Variants in RBM27 observed in about 807,000 individuals in gnomAD.
RBM27 encodes the protein RNA-binding protein 27.
RBM27 carries 22 observed loss-of-function variants against 135.3 expected under a neutral mutation model. That is an observed-to-expected ratio of 0.16 (90% CI 0.12 to 0.23). The LOEUF (loss-of-function observed/expected upper bound fraction) is 0.23, where lower values mean the gene tolerates loss of function less well. Among genes scored for constraint, RBM27 ranks in the 10% least tolerant of loss-of-function variants. The pLI is 1.00. For missense variants in RBM27, 1,009 were observed against 1,281.0 expected (o/e 0.79, Z 3.24); for synonymous variants, 481 against 442.4 (o/e 1.09, Z -1.10).
rs769735280 is a variant in RBM27 at position 146,237,261 on chromosome 5, A to C, written c.1145-37A>C. On this transcript the variant is annotated intron_variant, in intron 7 of 20. Coordinates refer to ENST00000265271, the MANE Select transcript of RBM27 (RefSeq NM_018989.2). The stretch of plus-strand genomic sequence containing the variant: ...CCTGATACTTTTATTAGGAAATATT[A>C]ATGCTGTACTTTTCACTTTTTGTTG... The C allele has an allele frequency of 1.9e-5, 31 of 1,611,816 alleles. No homozygotes were observed. In the African/African-American group the frequency reaches 3.3e-4, roughly 17 times the overall value.
chr5:146,222,911 A>G (rs966536037), intron 2 of RBM27, among the ~76,000 whole-genome samples: 2 of 152,154 alleles, frequency 1.3e-5, no homozygotes, highest in African/African-American at 4.8e-5. Flanking sequence ...ATCCAACAAT[A>G]TAAAGGTATA....
At chr5:146,210,799 T>C (rs905891141) in intron 1 of RBM27, among the ~76,000 whole-genome samples, 1 of 151,266 alleles carries the variant, frequency 6.6e-6, no homozygotes, top group African/African-American at 2.4e-5. Flanking sequence ...TATAAAAAAT[T>C]AGCCGGGCGT....
At chr5:146,241,650 G>T (rs566954029) in intron 8 of RBM27, among the ~76,000 whole-genome samples, 3 of 152,302 alleles carry the variant, frequency 2.0e-5, no homozygotes, top group African/African-American at 7.2e-5. Context: ...GTACAGATGG[G>T]GTTTCGCCAT....
intron 8 of RBM27, among the ~76,000 whole-genome samples, chr5:146,238,619 A>G (rs370911702): frequency 6.6e-6 from 1 of 152,166 alleles, no homozygotes; most frequent in African/African-American, 2.4e-5. Flanking sequence ...AACATTTTTT[A>G]AAAAGGTAGT....
At chr5:146,221,357 T>C (rs1438036109) in intron 2 of RBM27, among the ~76,000 whole-genome samples, 1 of 152,232 alleles carries the variant, frequency 6.6e-6, no homozygotes, top group Admixed American at 6.5e-5. Flanking sequence ...ATATGGTCTA[T>C]ATCTGTACTT....
chr5:146,207,021 C>T (rs1755711879), intron 1 of RBM27, among the ~76,000 whole-genome samples: 2 of 152,026 alleles, frequency 1.3e-5, no homozygotes, highest in Admixed American at 6.6e-5. Flanking sequence ...GTTTAGATAT[C>T]CTAAAATGTA....
intron 8 of RBM27, among the ~76,000 whole-genome samples, chr5:146,241,551 C>T (rs1265095348): frequency 1.3e-5 from 2 of 152,180 alleles, no homozygotes; most frequent in Admixed American, 6.6e-5. Context: ...GCGCAACCTC[C>T]ACCTCCCAGG....
At position 146,251,877 on chromosome 5, in the gene RBM27, T is replaced by C. The variant is rs1418083805; in HGVS notation, c.1444+2T>C. 1.9e-6 allele frequency: 3 copies of C among 1,613,522 alleles called. No individual in the cohort carries two copies. Among genetic ancestry groups the C allele is most frequent in the Non-Finnish European group, 2.5e-6 (3 of 1,179,518 alleles). On this transcript the variant is annotated splice_donor_variant, in intron 9 of 20. Transcript: ENST00000265271. LOFTEE classifies it high-confidence loss of function. ...CCAGCCCTACCCCTCTGGTTCCAGG[T>C]AAGCTTTGCTACAGATGGCCATCCA...
chr5:146,256,672 C>G (rs1758119636), intron 10 of RBM27, among the ~76,000 whole-genome samples: 2 of 151,956 alleles, frequency 1.3e-5, no homozygotes, highest in South Asian at 4.1e-4. Flanking sequence ...ATTATTGTCT[C>G]TCATATTTCT....
intron 1 of RBM27, among the ~76,000 whole-genome samples, chr5:146,204,028 A>T (rs764929004): frequency 2.7e-5 from 4 of 150,682 alleles, no homozygotes; most frequent in Non-Finnish European, 4.4e-5. Context: ...CGCCGTGAAT[A>T]TGGGGACTGG....
intron 12 of RBM27, 139 bp from the exon 13 acceptor site, chr5:146,261,371 T>TAAATTAC: frequency 1.4e-6 from 1 of 731,890 alleles, no homozygotes; most frequent in Non-Finnish European, 2.3e-6. Context: ...CTAAAAGCTC[T>TAAATTAC]ATCTCTAAAA....
chr5:146,274,974 GTTCTTTTTCTTTTTT>G (rs983221922), intron 19 of RBM27, among the ~76,000 whole-genome samples: 5 of 151,106 alleles, frequency 3.3e-5, no homozygotes, highest in African/African-American at 1.2e-4. Flanking sequence ...TTCCTTTCTA[GTTCTTTTTCTTTTTT>G]TTCTTTTTCT....
intron 19 of RBM27, among the ~76,000 whole-genome samples, chr5:146,277,517 ATT>A (rs371321141): frequency 8.0e-5 from 10 of 125,532 alleles, no homozygotes; most frequent in Admixed American, 8.3e-5. Context: ...TACTGGGATA[ATT>A]TTTTTTTTTT....
chr5:146,223,218 T>C (rs943558852), intron 2 of RBM27, among the ~76,000 whole-genome samples, 185 bp from the exon 3 acceptor site: 1 of 152,186 alleles, frequency 6.6e-6, no homozygotes, highest in African/African-American at 2.4e-5. Context: ...ATATATATCA[T>C]TTTGCAAGTA....
chr5:146,246,366 T>TTTTCATA, intron 8 of RBM27, among the ~76,000 whole-genome samples: 1 of 152,310 alleles, frequency 6.6e-6, no homozygotes, highest in Middle Eastern at 3.4e-3. Context: ...AATATTGATA[T>TTTTCATA]TAGGCATGTT....
intron 8 of RBM27, among the ~76,000 whole-genome samples, chr5:146,246,794 A>G (rs913895615): frequency 6.6e-6 from 1 of 152,150 alleles, no homozygotes; most frequent in Non-Finnish European, 1.5e-5. Flanking sequence ...TCTGGCTTCA[A>G]CAGTTAATCA....
intron 5 of RBM27, 40 bp from the exon 6 acceptor site, chr5:146,230,617 G>C (rs1325341977): frequency 6.3e-7 from 1 of 1,588,470 alleles, no homozygotes; most frequent in South Asian, 1.1e-5. Flanking sequence ...TGAAATATCT[G>C]ATCTCTTTGT....
chr5:146,230,139 A>G (rs1756867881), intron 5 of RBM27, among the ~76,000 whole-genome samples: 1 of 152,200 alleles, frequency 6.6e-6, no homozygotes, highest in Non-Finnish European at 1.5e-5. Context: ...ATCATTGTAC[A>G]TGTCTAGACT....
rs190662827 is a variant in RBM27, at chr5:146,253,079, C to T, written c.1444+1204C>T. 1.7e-4 allele frequency among the ~76,000 whole-genome samples: 26 copies of T among 152,262 alleles called. No individual in the cohort carries two copies. The East Asian group carries it at 4.6e-3, about 27-fold the overall frequency. ...ATGGGGTGATCTTGGCTCACTGCAA[C>T]CTCCACCTCCAGGGTCCAAGCGATT... On this transcript the variant is annotated intron_variant, in intron 9 of 20. Coordinates refer to ENST00000265271, the MANE Select transcript of RBM27 (RefSeq NM_018989.2).
Sources: gnomAD v4.1 joint callset for allele counts (sites outside exome capture counted in the v4.1 genomes callset) on GRCh38, gnomAD v4.1.1 for gene constraint, MANE v1.5 for transcripts, NCBI Gene and HGNC (gene_info 2026-07-23, HGNC 2026-07-21) for gene names.